CACNA2D3: variants seen among roughly 807,000 people sequenced by gnomAD.
CACNA2D3 encodes voltage-dependent calcium channel subunit alpha-2/delta-3.
In CACNA2D3, 60 loss-of-function variants were observed where a neutral mutation model predicts 160.6. The ratio of observed to expected loss-of-function variants is 0.37; its 90% CI spans 0.30 to 0.46. The LOEUF (loss-of-function observed/expected upper bound fraction) is 0.46. CACNA2D3 is among the 20% of genes least tolerant of loss of function. CACNA2D3 has a pLI of 1.00. For synonymous variants in CACNA2D3, 558 were observed against 492.9 expected, an observed-to-expected ratio of 1.13 and a Z score of -1.75; for missense variants, 1,205 against 1,365.0, an observed-to-expected ratio of 0.88 and a Z score of 1.85.
At chr3:54,492,252 G>A (rs1701122026) in intron 4 of CACNA2D3, among the ~76,000 whole-genome samples, 3 of 152,170 alleles carry the variant, frequency 2.0e-5, no homozygotes, top group African/African-American at 2.4e-5. Context: ...GGTCCTTAGG[G>A]AAGCTGCAGA....
chr3:54,228,669 C>T (rs1277716082), intron 2 of CACNA2D3, among the ~76,000 whole-genome samples: 1 of 152,178 alleles, frequency 6.6e-6, no homozygotes, highest in Non-Finnish European at 1.5e-5. Flanking sequence ...ATTCTTTCTC[C>T]CATTATTGCT....
At chr3:54,687,121 C>CTTTTTCTTTTTTTTT in intron 11 of CACNA2D3, among the ~76,000 whole-genome samples, 14 of 94,930 alleles carry the variant, frequency 1.5e-4, no homozygotes, top group Non-Finnish European at 2.5e-4. Flanking sequence ...TTTTCTTTTT[C>CTTTTTCTTTTTTTTT]TTTTTTTTTT....
chr3:54,211,098 A>G (rs1701363461), intron 2 of CACNA2D3, among the ~76,000 whole-genome samples: 1 of 152,174 alleles, frequency 6.6e-6, no homozygotes, highest in East Asian at 1.9e-4. Context: ...ATAGGTAATA[A>G]TTGATATTAG....
intron 5 of CACNA2D3, among the ~76,000 whole-genome samples, chr3:54,522,152 TTAAGA>T (rs1208409118): frequency 1.3e-5 from 2 of 152,176 alleles, no homozygotes; most frequent in African/African-American, 2.4e-5. Context: ...TTTAACAATG[TTAAGA>T]TTTTAAATCC....
At chr3:54,177,367 C>T (rs773932213) in intron 2 of CACNA2D3, among the ~76,000 whole-genome samples, 4 of 152,138 alleles carry the variant, frequency 2.6e-5, no homozygotes, top group Non-Finnish European at 5.9e-5. Context: ...TTTGGCAGGA[C>T]GTCTTCAGTT....
rs9878608 is a variant in CACNA2D3, at chr3:54,123,032, C to G, written c.122+197C>G. Reference sequence around the variant, plus strand: ...TGCTCTGGCCCCTGCCCGCAGGTTGCCGAGTGAGATCTGGAGAGGCTCACC... The same window carrying G: ...TGCTCTGGCCCCTGCCCGCAGGTTGGCGAGTGAGATCTGGAGAGGCTCACC... On this transcript the variant is annotated intron_variant, in intron 1 of 37. Transcript: ENST00000474759. Among the ~76,000 whole-genome samples the G allele has an allele frequency of 0.37, 55,870 of 151,910 alleles. 10,601 individuals are homozygous for G. The highest frequency in any genetic ancestry group is 0.6 in the East Asian group (3,056 of 5,088).
At chr3:54,807,092 A>G (rs903922098) in intron 13 of CACNA2D3, among the ~76,000 whole-genome samples, 4 of 152,250 alleles carry the variant, frequency 2.6e-5, no homozygotes, top group African/African-American at 9.6e-5. Context: ...ACCTAAAACC[A>G]TAAAAACCCT....
intron 2 of CACNA2D3, among the ~76,000 whole-genome samples, chr3:54,280,371 G>A (rs575844223): frequency 3.9e-5 from 6 of 152,244 alleles, no homozygotes; most frequent in Admixed American, 2.6e-4. Context: ...GTGAGCCACC[G>A]CGCCTGGCCT....
chr3:54,237,497 A>G (rs1701905692), intron 2 of CACNA2D3, among the ~76,000 whole-genome samples: 1 of 152,218 alleles, frequency 6.6e-6, no homozygotes, highest in Admixed American at 6.5e-5. Flanking sequence ...ACTTGTACAA[A>G]TGAAATACAG....
intron 17 of CACNA2D3, among the ~76,000 whole-genome samples, chr3:54,861,277 A>G (rs893802029): frequency 1.2e-4 from 19 of 152,146 alleles, no homozygotes; most frequent in African/African-American, 4.6e-4. Flanking sequence ...AGGGGTTAGC[A>G]GAAATTGACC....
chr3:54,871,699 A>G, intron 18 of CACNA2D3, 77 bp downstream of exon 18: 2 of 1,163,216 alleles, frequency 1.7e-6, no homozygotes, highest in South Asian at 1.3e-5. Context: ...CGATCCCAGG[A>G]GTTGGCCAAG....
At chr3:54,460,607 A>T (rs922823647) in intron 4 of CACNA2D3, among the ~76,000 whole-genome samples, 7 of 152,076 alleles carry the variant, frequency 4.6e-5, no homozygotes, top group African/African-American at 1.7e-4. Flanking sequence ...AATGCTTGTG[A>T]TTTTTGTACA....
At chr3:54,500,697 A>C (rs1286440075) in intron 4 of CACNA2D3, among the ~76,000 whole-genome samples, 2 of 150,360 alleles carry the variant, frequency 1.3e-5, no homozygotes, top group Admixed American at 6.6e-5. Context: ...CTCCTCTCTT[A>C]GCATATAAAT....
At chr3:54,382,502 G>T (rs1699119623) in intron 3 of CACNA2D3, among the ~76,000 whole-genome samples, 1 of 152,184 alleles carries the variant, frequency 6.6e-6, no homozygotes, top group Non-Finnish European at 1.5e-5. Flanking sequence ...GAGAAACTTG[G>T]CCAGGTGCAG....
chr3:55,021,619 G>GTATATATA (rs1703449144), intron 35 of CACNA2D3, among the ~76,000 whole-genome samples: 1 of 135,974 alleles, frequency 7.4e-6, no homozygotes, highest in African/African-American at 2.9e-5. Context: ...ATATATATGT[G>GTATATATA]TGTGTGTATA....
intron 2 of CACNA2D3, among the ~76,000 whole-genome samples, chr3:54,135,630 C>T (rs961042164): frequency 1.3e-5 from 2 of 152,196 alleles, no homozygotes; most frequent in African/African-American, 2.4e-5. Context: ...TTGCCTCCAG[C>T]GCCTCCCTGG....
intron 17 of CACNA2D3, among the ~76,000 whole-genome samples, chr3:54,862,395 A>ACACG (rs753221710): frequency 6.6e-6 from 1 of 151,862 alleles, no homozygotes; most frequent in Non-Finnish European, 1.5e-5. Flanking sequence ...ACACACACAC[A>ACACG]CACACACACG....
intron 26 of CACNA2D3, among the ~76,000 whole-genome samples, chr3:54,897,297 G>A (rs1700213589): frequency 1.3e-5 from 2 of 152,278 alleles, no homozygotes; most frequent in African/African-American, 4.8e-5. Context: ...ACTAAGGACT[G>A]ACTTTGTATA....
chr3:54,171,135 A>ATTTTTTTTTT (rs1700557445), intron 2 of CACNA2D3, among the ~76,000 whole-genome samples: 7 of 18,744 alleles, frequency 3.7e-4, no homozygotes, highest in East Asian at 7.9e-3. Flanking sequence ...AAAGATGATG[A>ATTTTTTTTTT]CTTTTTTTTT....
Sources: gnomAD v4.1 joint callset for allele counts (sites outside exome capture counted in the v4.1 genomes callset) on GRCh38, gnomAD v4.1.1 for gene constraint, MANE v1.5 for transcripts, NCBI Gene and HGNC (gene_info 2026-07-23, HGNC 2026-07-21) for gene names.